UBE3D: variants seen among roughly 807,000 people sequenced by gnomAD.
The protein encoded by UBE3D is E3 ubiquitin-protein ligase E3D.
UBE3D carries 48 observed loss-of-function variants against 49.6 expected under a neutral mutation model. That is an observed-to-expected ratio of 0.97 (90% CI 0.77 to 1.23). The LOEUF is 1.23. UBE3D is among the 50% of genes most tolerant of loss of function. The pLI is 0.00. For synonymous variants in UBE3D, 189 were observed against 174.2 expected (o/e 1.08, Z -0.67); for missense variants, 452 against 468.4 (o/e 0.96, Z 0.32).
intron 4 of UBE3D, among the ~76,000 whole-genome samples, chr6:83,043,735 TA>T (rs1782832184): frequency 6.6e-6 from 1 of 152,262 alleles, no homozygotes; most frequent in African/African-American, 2.4e-5. Flanking sequence ...TTTTACTTTT[TA>T]AATAATATCT....
chr6:82,959,415 C>A (rs1341318084), intron 8 of UBE3D, among the ~76,000 whole-genome samples: 1 of 151,798 alleles, frequency 6.6e-6, no homozygotes, highest in Non-Finnish European at 1.5e-5. Flanking sequence ...AGTGTACTCT[C>A]CACCCCTGGG....
At chr6:82,918,385 A>G (rs974434946) in intron 9 of UBE3D, among the ~76,000 whole-genome samples, 1 of 152,112 alleles carries the variant, frequency 6.6e-6, no homozygotes, top group African/African-American at 2.4e-5. Flanking sequence ...CTTCATATGT[A>G]TGACTTATTA....
intron 4 of UBE3D, among the ~76,000 whole-genome samples, chr6:83,041,064 T>C (rs555120740): frequency 2.0e-5 from 3 of 152,272 alleles, no homozygotes; most frequent in Non-Finnish European, 4.4e-5. Flanking sequence ...TACTATTTTA[T>C]ACAAGTTAAA....
At chr6:82,995,896 G>A (rs528592452) in intron 8 of UBE3D, among the ~76,000 whole-genome samples, 57 of 151,956 alleles carry the variant, frequency 3.8e-4, no homozygotes, top group South Asian at 6.2e-4. Flanking sequence ...AGGAAACACC[G>A]TCTCTACTAA....
At chr6:83,006,239 CAAAA>C (rs879748731) in intron 8 of UBE3D, among the ~76,000 whole-genome samples, 3 of 149,822 alleles carry the variant, frequency 2.0e-5, no homozygotes, top group East Asian at 1.9e-4. Context: ...AACAAACAAA[CAAAA>C]AAAAAAAAGT....
chr6:82,922,904 G>T (rs1264086010), intron 9 of UBE3D, among the ~76,000 whole-genome samples: 1 of 152,180 alleles, frequency 6.6e-6, no homozygotes, highest in Non-Finnish European at 1.5e-5. Flanking sequence ...CAAAGGATAT[G>T]AACAGACACT....
intron 5 of UBE3D, among the ~76,000 whole-genome samples, chr6:83,033,252 T>C (rs904738608): frequency 3.3e-5 from 5 of 152,162 alleles, no homozygotes; most frequent in Non-Finnish European, 7.4e-5. Context: ...AAGACATTCA[T>C]GAGGGATCTG....
chr6:82,894,107 T>C (rs1013688587), intron 9 of UBE3D: 3 of 152,132 alleles, frequency 2.0e-5, no homozygotes, highest in East Asian at 1.9e-4. Flanking sequence ...ACATGGACAA[T>C]TGATGCAAAC....
intron 9 of UBE3D, chr6:82,938,747 T>A (rs1415376850): frequency 6.6e-6 from 1 of 152,208 alleles, no homozygotes; most frequent in Non-Finnish European, 1.5e-5. Flanking sequence ...TCATACACAC[T>A]TTTGGATGCT....
At chr6:83,000,867 G>A (rs1444884451) in intron 8 of UBE3D, among the ~76,000 whole-genome samples, 3 of 148,436 alleles carry the variant, frequency 2.0e-5, no homozygotes, top group Non-Finnish European at 4.5e-5. Flanking sequence ...TTTTTGAGAC[G>A]GAGTCTCGCT....
chr6:82,897,450 G>T (rs934210909), intron 9 of UBE3D, among the ~76,000 whole-genome samples: 3 of 152,036 alleles, frequency 2.0e-5, no homozygotes, highest in Non-Finnish European at 4.4e-5. Flanking sequence ...AATTAGCTGG[G>T]TACAGTGGTG....
intron 9 of UBE3D, among the ~76,000 whole-genome samples, chr6:82,939,077 G>A (rs202068311): frequency 1.3e-5 from 2 of 149,730 alleles, no homozygotes; most frequent in African/African-American, 4.9e-5. Context: ...AAAAAAAAAA[G>A]AACGAGTACC....
intron 8 of UBE3D, among the ~76,000 whole-genome samples, chr6:82,961,034 GA>G (rs1179972590): frequency 1.3e-5 from 2 of 152,118 alleles, no homozygotes; most frequent in Non-Finnish European, 2.9e-5. Flanking sequence ...ACTCATCAGT[GA>G]ATCTCTAAGA....
chr6:82,988,195 G>C (rs1433587680), intron 8 of UBE3D, among the ~76,000 whole-genome samples: 1 of 152,120 alleles, frequency 6.6e-6, no homozygotes, highest in Non-Finnish European at 1.5e-5. Context: ...TTCTTCTGGG[G>C]AAGGATAAAA....
intron 7 of UBE3D, among the ~76,000 whole-genome samples, chr6:83,022,145 G>A (rs1437573154): frequency 6.6e-6 from 1 of 152,034 alleles, no homozygotes; most frequent in East Asian, 1.9e-4. Flanking sequence ...TCCTGCCACA[G>A]CTTCCTGAGT....
At chr6:82,949,674 C>A (rs1380471015) in intron 9 of UBE3D, among the ~76,000 whole-genome samples, 1 of 151,978 alleles carries the variant, frequency 6.6e-6, no homozygotes, top group African/African-American at 2.4e-5. Context: ...ACACACAGAC[C>A]AATGGAATAT....
chr6:82,906,555 A>G (rs182378975), intron 9 of UBE3D, among the ~76,000 whole-genome samples: 45 of 152,290 alleles, frequency 3.0e-4, no homozygotes, highest in Admixed American at 5.2e-4. Context: ...CTTGTCTTGT[A>G]CATTTCTTAT....
intron 9 of UBE3D, among the ~76,000 whole-genome samples, chr6:82,928,968 A>G (rs1773945604): frequency 6.6e-6 from 1 of 152,222 alleles, no homozygotes; most frequent in African/African-American, 2.4e-5. Context: ...CTGCATTATA[A>G]TTTCAAACAT....
rs141326960 is a variant in UBE3D at position 82,905,602 on chromosome 6, T to C, written c.1150-12560A>G. On this transcript the variant is annotated intron_variant, in intron 9 of 9. Transcript: ENST00000369747. ...TTCAAGTGGAAGGAAGAGCCACACA[T>C]TTTTCACTTAAATCAAAAGCTAGAG... is the stretch of plus-strand genomic sequence containing the variant. 9.6e-3 allele frequency among the ~76,000 whole-genome samples: 1,454 copies of C among 152,176 alleles called. 10 individuals carry two copies. Among genetic ancestry groups the C allele is most frequent in the South Asian group, 0.018 (86 of 4,814 alleles).
Sources: gnomAD v4.1 joint callset for allele counts (sites outside exome capture counted in the v4.1 genomes callset) on GRCh38, gnomAD v4.1.1 for gene constraint, MANE v1.5 for transcripts, NCBI Gene and HGNC (gene_info 2026-07-23, HGNC 2026-07-21) for gene names.